The following SAMD3 variants were observed in gnomAD, a reference collection of about 807,000 sequenced individuals.
The protein encoded by SAMD3 is sterile alpha motif domain-containing protein 3.
A neutral mutation model predicts 58.5 loss-of-function variants in SAMD3; 63 were observed. The ratio of observed to expected loss-of-function variants is 1.08; its 90% CI spans 0.88 to 1.33. The LOEUF (loss-of-function observed/expected upper bound fraction) is 1.33. SAMD3 is among the 40% of genes most tolerant of loss of function. The pLI, the probability that SAMD3 is intolerant of heterozygous loss-of-function variation, is 0.00. For missense variants in SAMD3, 604 were observed against 608.4 expected, an observed-to-expected ratio of 0.99 and a Z score of 0.08; for synonymous variants, 220 against 210.3, an observed-to-expected ratio of 1.05 and a Z score of -0.40.
intron 2 of SAMD3, among the ~76,000 whole-genome samples, chr6:130,239,224 T>C (rs895635952): frequency 6.6e-6 from 1 of 152,208 alleles, no homozygotes; most frequent in Non-Finnish European, 1.5e-5. Context: ...CTCTATTTCC[T>C]GATTTCTAGT....
At chr6:130,266,575 TA>T (rs200455068) in intron 2 of SAMD3, among the ~76,000 whole-genome samples, 2 of 151,938 alleles carry the variant, frequency 1.3e-5, no homozygotes, top group South Asian at 2.1e-4. Flanking sequence ...CAAACCATAC[TA>T]AAAAAAATCC....
chr6:130,189,993 G>C (rs956390756), intron 5 of SAMD3, among the ~76,000 whole-genome samples: 1 of 152,126 alleles, frequency 6.6e-6, no homozygotes, highest in Non-Finnish European at 1.5e-5. Context: ...AAAGACTTGG[G>C]GGCAGGATTT....
intron 2 of SAMD3, among the ~76,000 whole-genome samples, chr6:130,296,544 C>T (rs1488755974): frequency 2.0e-5 from 3 of 152,312 alleles, no homozygotes; most frequent in South Asian, 4.1e-4. Flanking sequence ...ATGCAACTTC[C>T]CACCGGGGGC....
rs182098384 is a variant in SAMD3, at chr6:130,346,805, G to A, written c.-304+18315C>T. Among the ~76,000 whole-genome samples the A allele has an allele frequency of 4.2e-3, 634 of 152,324 alleles. 7 individuals carry two copies. Among genetic ancestry groups the A allele is most frequent in the African/African-American group, 0.014 (592 of 41,582 alleles). ...CCTCAAGTGGGTCCCTGACCCCTGAGTAGCTTAACTGGGAGGCACCCCCCC... is the reference window on the plus strand; with the variant it reads ...CCTCAAGTGGGTCCCTGACCCCTGAATAGCTTAACTGGGAGGCACCCCCCC... On this transcript the variant is annotated intron_variant, in intron 1 of 13. Transcript: ENST00000368134.
chr6:130,330,642 T>C (rs1287547025), intron 1 of SAMD3, among the ~76,000 whole-genome samples: 1 of 152,210 alleles, frequency 6.6e-6, no homozygotes, highest in Non-Finnish European at 1.5e-5. Context: ...CTGATACTCC[T>C]GAGCTAGAAG....
intron 9 of SAMD3, among the ~76,000 whole-genome samples, chr6:130,147,809 C>T (rs1233168306): frequency 6.6e-6 from 1 of 152,182 alleles, no homozygotes; most frequent in African/African-American, 2.4e-5. Context: ...TCTGAAACAA[C>T]TTGTTAGTTT....
intron 9 of SAMD3, among the ~76,000 whole-genome samples, chr6:130,152,708 C>T (rs1415364865): frequency 6.6e-6 from 1 of 151,546 alleles, no homozygotes; most frequent in Non-Finnish European, 1.5e-5. Context: ...ATAAAACAAT[C>T]AACAGGCAAC....
intron 2 of SAMD3, among the ~76,000 whole-genome samples, chr6:130,295,006 C>T (rs912423115): frequency 5.5e-5 from 8 of 146,084 alleles, no homozygotes; most frequent in African/African-American, 2.0e-4. Flanking sequence ...TTTCCGCAAC[C>T]TCTGCCTTCA....
At chr6:130,298,759 T>G (rs12525048) in intron 2 of SAMD3, among the ~76,000 whole-genome samples, 25,609 of 152,012 alleles carry the variant, frequency 0.17, 2,406 homozygotes, top group East Asian at 0.36. Flanking sequence ...AAAACATTCA[T>G]AGGCTCAAAA....
At position 130,230,545 on chromosome 6, in the gene SAMD3, G is replaced by C. The variant is rs538849952; in HGVS notation, c.-187-7732C>G. ...TGGGATTACAGGTGCCCGCCACCAT[G>C]CCCAGCACATTTTTGTACTTTTTAG... On this transcript the variant is annotated intron_variant, in intron 2 of 13. Transcript: ENST00000368134. Among the ~76,000 whole-genome samples, 95 of 152,206 alleles carry C rather than the reference G, an allele frequency of 6.2e-4. No homozygotes were observed. In the East Asian group the frequency reaches 0.018, roughly 28 times the overall value.
intron 2 of SAMD3, among the ~76,000 whole-genome samples, chr6:130,283,136 C>T (rs1268160731): frequency 1.3e-5 from 2 of 152,098 alleles, no homozygotes; most frequent in East Asian, 3.9e-4. Context: ...AGTCAATAGA[C>T]TAAACTGAAA....
At chr6:130,344,846 A>C (rs1777392996) in intron 1 of SAMD3, among the ~76,000 whole-genome samples, 2 of 150,978 alleles carry the variant, frequency 1.3e-5, no homozygotes, top group South Asian at 4.2e-4. Context: ...AAAAAAAAAA[A>C]AAAAAAAGAG....
intron 2 of SAMD3, among the ~76,000 whole-genome samples, chr6:130,284,476 AAAAG>A (rs535214766): frequency 1.3e-5 from 2 of 152,162 alleles, no homozygotes; most frequent in Non-Finnish European, 2.9e-5. Context: ...AGAAATCTGA[AAAAG>A]AGAGAGAGAG....
rs184629759 is a variant in SAMD3 at position 130,339,017 on chromosome 6, T to A, written c.-303-25924A>T. Among the ~76,000 whole-genome samples the A allele has an allele frequency of 1.8e-4, 28 of 152,180 alleles. No homozygotes were observed. In the East Asian group the frequency reaches 5.0e-3, roughly 27 times the overall value. On this transcript the variant is annotated intron_variant, in intron 1 of 13. Transcript: ENST00000368134. ...CAGGGGCAGAATGATATGCTCTGGCTCTGTGTCCCTACCCAAATCTCATCT... is the reference window on the plus strand; with the variant it reads ...CAGGGGCAGAATGATATGCTCTGGCACTGTGTCCCTACCCAAATCTCATCT...
chr6:130,190,378 G>A (rs1216378885), intron 5 of SAMD3, among the ~76,000 whole-genome samples: 7 of 151,868 alleles, frequency 4.6e-5, no homozygotes, highest in Admixed American at 4.6e-4. Flanking sequence ...AGAATGTGAT[G>A]CTAAGATGAA....
chr6:130,251,738 C>T (rs1443997719), intron 2 of SAMD3, among the ~76,000 whole-genome samples: 1 of 152,096 alleles, frequency 6.6e-6, no homozygotes, highest in South Asian at 2.1e-4. Flanking sequence ...ATACTTGTGC[C>T]AGTACCATAC....
At chr6:130,312,145 T>C (rs896143387) in intron 2 of SAMD3, among the ~76,000 whole-genome samples, 6 of 152,212 alleles carry the variant, frequency 3.9e-5, no homozygotes, top group African/African-American at 1.4e-4. Context: ...AGGAGACCTC[T>C]TACCCTAAAT....
intron 7 of SAMD3, among the ~76,000 whole-genome samples, chr6:130,180,236 T>A (rs1483864795): frequency 6.7e-6 from 1 of 149,042 alleles, no homozygotes; most frequent in Non-Finnish European, 1.5e-5. Context: ...TCCTCCCACC[T>A]CAGCCTCCCA....
intron 5 of SAMD3, among the ~76,000 whole-genome samples, chr6:130,196,191 CT>C (rs1189340009): frequency 6.6e-6 from 1 of 152,160 alleles, no homozygotes. Context: ...TCCTGCCCCC[CT>C]AATACTTTCA....
Sources: gnomAD v4.1 joint callset for allele counts (sites outside exome capture counted in the v4.1 genomes callset) on GRCh38, gnomAD v4.1.1 for gene constraint, MANE v1.5 for transcripts, NCBI Gene and HGNC (gene_info 2026-07-23, HGNC 2026-07-21) for gene names.